The following SWAP70 variants were observed in gnomAD, a reference collection of about 807,000 sequenced individuals.
SWAP70 encodes switch-associated protein 70.
In SWAP70, 34 loss-of-function variants were observed where a neutral mutation model predicts 80.2. The observed-to-expected ratio is 0.42, with a 90% CI of 0.32 to 0.56. The LOEUF (loss-of-function observed/expected upper bound fraction) is 0.56. Among genes scored for constraint, SWAP70 ranks in the 20% least tolerant of loss-of-function variants. The pLI is 0.09. For missense variants in SWAP70, 578 were observed against 690.7 expected (o/e 0.84, Z 1.83); for synonymous variants, 239 against 238.5 (o/e 1.00, Z -0.02).
At chr11:9,679,685 T>C (rs1421767261) in intron 1 of SWAP70, among the ~76,000 whole-genome samples, 1 of 152,188 alleles carries the variant, frequency 6.6e-6, no homozygotes, top group Non-Finnish European at 1.5e-5. Flanking sequence ...TTATTTATTT[T>C]TGAGACAGAG....
intron 1 of SWAP70, among the ~76,000 whole-genome samples, chr11:9,669,905 A>C (rs552285929): frequency 2.8e-4 from 42 of 152,224 alleles, no homozygotes; most frequent in African/African-American, 9.6e-4. Flanking sequence ...AAGTGAGTGG[A>C]TCATCTGAGG....
At chr11:9,741,715 A>T (rs908417643) in intron 9 of SWAP70, 17 of 152,278 alleles carry the variant, frequency 1.1e-4, no homozygotes, top group Middle Eastern at 3.4e-3. Context: ...TTAGTTATTT[A>T]GTGTTTATAG....
intron 7 of SWAP70, among the ~76,000 whole-genome samples, chr11:9,736,267 C>G (rs1851361581): frequency 6.6e-6 from 1 of 151,966 alleles, no homozygotes; most frequent in Non-Finnish European, 1.5e-5. Context: ...CATTACTTCT[C>G]TAAGTATGGT....
At chr11:9,711,850 A>G (rs904510571) in intron 2 of SWAP70, among the ~76,000 whole-genome samples, 2 of 152,244 alleles carry the variant, frequency 1.3e-5, no homozygotes, top group African/African-American at 2.4e-5. Flanking sequence ...AAGGAACCCA[A>G]GGTGGTTCCT....
rs188928019 is a variant in SWAP70, at chr11:9,672,391, G to A, written c.99+8113G>A. Among the ~76,000 whole-genome samples the A allele has an allele frequency of 2.3e-3, 340 of 150,782 alleles. 2 individuals carry two copies. Among genetic ancestry groups the A allele is most frequent in the African/African-American group, 7.8e-3 (320 of 41,120 alleles). ...ATTTATTTATTTATTTTGAGACAGG[G>A]TCTCACTCTGTCACTCAGGCTGGAG... is the stretch of plus-strand genomic sequence containing the variant. On this transcript the variant is annotated intron_variant, in intron 1 of 11. Transcript: ENST00000318950.
chr11:9,740,771 T>C (rs1459698013), intron 9 of SWAP70: 1 of 195,410 alleles, frequency 5.1e-6, no homozygotes, highest in African/African-American at 2.4e-5. Context: ...AAGGAAGAAA[T>C]ATGCAGTTTC....
intron 4 of SWAP70, among the ~76,000 whole-genome samples, chr11:9,725,342 A>AG (rs897539687): frequency 1.3e-5 from 2 of 150,994 alleles, no homozygotes; most frequent in Non-Finnish European, 2.9e-5. Flanking sequence ...ATTAAAAAAA[A>AG]TTATTTGTGC....
chr11:9,681,560 T>C (rs1031452708), intron 1 of SWAP70, among the ~76,000 whole-genome samples: 2 of 152,088 alleles, frequency 1.3e-5, no homozygotes, highest in Non-Finnish European at 2.9e-5. Flanking sequence ...AGGCTGGAGA[T>C]TGGGGGACTT....
At chr11:9,682,152 G>A (rs1850575226) in intron 1 of SWAP70, among the ~76,000 whole-genome samples, 1 of 152,172 alleles carries the variant, frequency 6.6e-6, no homozygotes, top group Non-Finnish European at 1.5e-5. Flanking sequence ...GACCTGAGAG[G>A]GGAGAATGGG....
At chr11:9,738,455 A>G in intron 8 of SWAP70, 135 bp downstream of exon 8, 1 of 494,566 alleles carries the variant, frequency 2.0e-6, no homozygotes. Context: ...GCTGTAGGGG[A>G]AGTTGCATGT....
At chr11:9,735,260 C>A (rs1851348665) in intron 7 of SWAP70, among the ~76,000 whole-genome samples, 1 of 152,124 alleles carries the variant, frequency 6.6e-6, no homozygotes. Flanking sequence ...AAAGTATATA[C>A]TAGTGTCACT....
At chr11:9,700,324 C>T (rs904762198) in intron 2 of SWAP70, among the ~76,000 whole-genome samples, 1 of 152,056 alleles carries the variant, frequency 6.6e-6, no homozygotes, top group Non-Finnish European at 1.5e-5. Context: ...GCCAGTCCTG[C>T]AATCCAAGTA....
chr11:9,745,185 C>T (rs1252687187), intron 9 of SWAP70, among the ~76,000 whole-genome samples: 1 of 152,184 alleles, frequency 6.6e-6, no homozygotes, highest in East Asian at 1.9e-4. Context: ...AATGAGGCCA[C>T]GGTTTGATTC....
chr11:9,752,667 A>G lies in SWAP70; in HGVS notation c.*2697A>G, dbSNP rs904527654. The G allele has an allele frequency of 6.6e-6, 1 of 152,188 alleles. No individual in the cohort carries two copies. Among genetic ancestry groups the G allele is most frequent in the Non-Finnish European group, 1.5e-5 (1 of 68,030 alleles). 9.4% of individuals were successfully genotyped at this position (152,188 alleles called of 1,614,324 possible). ...TAATTACTGTACAGAAAATTTCAAG[A>G]GTGTTTGAGTGCTTGTCATCAGGTG... On this transcript the variant is annotated 3_prime_UTR_variant, in exon 12 of 12. Coordinates refer to ENST00000318950, the MANE Select transcript of SWAP70 (RefSeq NM_015055.4).
rs1851186633 is a variant in SWAP70, at chr11:9,724,826, A to T, written c.583A>T (p.Thr195Ser). ...GTTTAGCAAAGGCATGGACCGGCAGACTGTGTCTATGGCAATTAATGAAGT... is the reference window on the plus strand; with the variant it reads ...GTTTAGCAAAGGCATGGACCGGCAGTCTGTGTCTATGGCAATTAATGAAGT... ...GQFSKGMDRQ[T>S]VSMAINEVFN... Residue 195 changes from threonine to serine, a missense_variant, in exon 4 of 12, where the codon ACT (threonine) becomes TCT (serine). By Grantham distance (58) the Thr-to-Ser change is moderately conservative (BLOSUM62 1). Transcript: ENST00000318950. 1 of 1,613,996 alleles carries T rather than the reference A, an allele frequency of 6.2e-7. No homozygotes were observed. Among genetic ancestry groups the T allele is most frequent in the Admixed American group, 1.7e-5 (1 of 60,006 alleles).
At chr11:9,720,754 A>ATT (rs1231110274) in intron 3 of SWAP70, among the ~76,000 whole-genome samples, 3 of 151,972 alleles carry the variant, frequency 2.0e-5, no homozygotes, top group African/African-American at 7.3e-5. Context: ...ACCTTGAGCA[A>ATT]TTGTTTATCT....
rs1306906929 is a variant in SWAP70 at position 9,750,092 on chromosome 11, C to G, written c.*122C>G. On this transcript the variant is annotated 3_prime_UTR_variant, in exon 12 of 12. Coordinates refer to ENST00000318950, the MANE Select transcript of SWAP70 (RefSeq NM_015055.4). Reference sequence around the variant, plus strand: ...GTGGCTCACGCCTGTAATCCCAGCACTTTGGGAGGCCGAGGCGGGTGGATC... The same window carrying G: ...GTGGCTCACGCCTGTAATCCCAGCAGTTTGGGAGGCCGAGGCGGGTGGATC... The G allele has an allele frequency of 1.7e-6, 1 of 598,048 alleles. No individual in the cohort carries two copies. Among genetic ancestry groups the G allele is most frequent in the Non-Finnish European group, 2.9e-6 (1 of 350,800 alleles). 37.0% of individuals were successfully genotyped at this position (598,048 alleles called of 1,614,324 possible).
intron 1 of SWAP70, among the ~76,000 whole-genome samples, chr11:9,691,153 A>G (rs761029893): frequency 1.9e-4 from 29 of 152,180 alleles, no homozygotes; most frequent in Non-Finnish European, 4.1e-4. Flanking sequence ...TCTGGGCTCT[A>G]GCTATCCTCT....
intron 3 of SWAP70, 73 bp from the exon 4 acceptor site, chr11:9,724,585 T>G: frequency 8.7e-7 from 1 of 1,149,442 alleles, no homozygotes; most frequent in Non-Finnish European, 1.2e-6. Context: ...TTATCAGTGT[T>G]TATAACATAA....
Sources: allele counts gnomAD v4.1 joint callset (sites outside exome capture counted in the v4.1 genomes callset), GRCh38; gene constraint gnomAD v4.1.1; transcripts MANE v1.5; gene names NCBI Gene and HGNC (gene_info 2026-07-23, HGNC 2026-07-21).